The following DNAH7 variants were observed in gnomAD, a reference collection of about 807,000 sequenced individuals.
DNAH7 encodes the protein dynein axonemal heavy chain 7.
A neutral mutation model predicts 444.6 loss-of-function variants in DNAH7; 397 were observed. That is an observed-to-expected ratio of 0.89 (90% confidence interval 0.82 to 0.97). The LOEUF (loss-of-function observed/expected upper bound fraction) is 0.97. Ranked by LOEUF, DNAH7 falls within the 50% of genes least tolerant of loss-of-function variation. The pLI, the probability that DNAH7 is intolerant of heterozygous loss-of-function variation, is 0.00. For synonymous variants in DNAH7, 1,636 were observed against 1,624.4 expected (o/e 1.01, Z -0.17); for missense variants, 4,902 against 4,800.8 (o/e 1.02, Z -0.62).
intron 3 of DNAH7, among the ~76,000 whole-genome samples, chr2:196,050,759 T>C (rs1052507039): frequency 4.4e-4 from 67 of 152,180 alleles, no homozygotes; most frequent in African/African-American, 1.5e-3. Flanking sequence ...AAGAAATATT[T>C]TGTAGTACAG....
chr2:195,896,155 T>G (rs1353326785), intron 29 of DNAH7, among the ~76,000 whole-genome samples: 4 of 152,248 alleles, frequency 2.6e-5, no homozygotes, highest in Admixed American at 2.6e-4. Flanking sequence ...GTGGTTGTAC[T>G]AAGTCATGTT....
intron 12 of DNAH7, among the ~76,000 whole-genome samples, chr2:195,997,791 A>G (rs1693790770): frequency 6.6e-6 from 1 of 152,174 alleles, no homozygotes; most frequent in Non-Finnish European, 1.5e-5. Context: ...GATCATGTTC[A>G]ATTATCCTAT....
chr2:196,058,529 A>T (rs1697951651), intron 1 of DNAH7, among the ~76,000 whole-genome samples: 1 of 152,188 alleles, frequency 6.6e-6, no homozygotes, highest in Non-Finnish European at 1.5e-5. Context: ...ATATTCTAAA[A>T]ATCAATTGTA....
chr2:195,957,498 T>C, intron 18 of DNAH7, 51 bp from the exon 19 acceptor site: 1 of 1,413,436 alleles, frequency 7.1e-7, no homozygotes, highest in Non-Finnish European at 9.4e-7. Context: ...AAGCAAATGT[T>C]TCAAATGACA....
intron 40 of DNAH7, among the ~76,000 whole-genome samples, chr2:195,865,607 CAT>C (rs1700282277): frequency 6.6e-6 from 1 of 152,104 alleles, no homozygotes; most frequent in Non-Finnish European, 1.5e-5. Context: ...GTTATATGCA[CAT>C]GTTATGGGAC....
intron 63 of DNAH7, among the ~76,000 whole-genome samples, chr2:195,745,819 C>A (rs540464286): frequency 1.3e-5 from 2 of 152,258 alleles, no homozygotes; most frequent in South Asian, 4.1e-4. Flanking sequence ...TTGTCACCAC[C>A]AGGCCTGCCC....
intron 12 of DNAH7, chr2:195,994,712 C>CT (rs961952699): frequency 4.0e-5 from 20 of 494,768 alleles, no homozygotes; most frequent in African/African-American, 3.4e-4. Flanking sequence ...ACCATTTGGT[C>CT]TTTAAGACCA....
chr2:196,028,158 G>A (rs1038771235), intron 5 of DNAH7, 111 bp from the exon 6 acceptor site: 10 of 836,964 alleles, frequency 1.2e-5, no homozygotes, highest in African/African-American at 1.7e-5. Flanking sequence ...AAGGAAAAAT[G>A]AATTGTTGAA....
chr2:195,747,032 C>A (rs1042834055), intron 63 of DNAH7, among the ~76,000 whole-genome samples: 1 of 152,110 alleles, frequency 6.6e-6, no homozygotes, highest in Non-Finnish European at 1.5e-5. Context: ...CACAAAAAAA[C>A]CCTTCAAAAA....
At chr2:196,052,265 ACTCT>A (rs1408207986) in intron 2 of DNAH7, among the ~76,000 whole-genome samples, 2 of 152,032 alleles carry the variant, frequency 1.3e-5, no homozygotes, top group African/African-American at 4.8e-5. Flanking sequence ...TTCCTTGAGC[ACTCT>A]CTCTCAGACC....
At chr2:195,861,110 A>C (rs1263622993) in intron 42 of DNAH7, among the ~76,000 whole-genome samples, 1 of 152,190 alleles carries the variant, frequency 6.6e-6, no homozygotes, top group African/African-American at 2.4e-5. Flanking sequence ...TCCCCTTTAA[A>C]GGTAACCACT....
At chr2:195,832,067 T>C (rs1698102455) in intron 48 of DNAH7, among the ~76,000 whole-genome samples, 1 of 152,188 alleles carries the variant, frequency 6.6e-6, no homozygotes, top group South Asian at 2.1e-4. Context: ...TAAACAAAAA[T>C]TTCATGAAAT....
intron 36 of DNAH7, among the ~76,000 whole-genome samples, chr2:195,881,418 T>C (rs1194520160): frequency 6.6e-6 from 1 of 152,214 alleles, no homozygotes; most frequent in Non-Finnish European, 1.5e-5. Context: ...AAATCAGTCT[T>C]GTTACTACAT....
intron 45 of DNAH7, among the ~76,000 whole-genome samples, chr2:195,855,071 G>C (rs946708560): frequency 1.3e-5 from 2 of 152,202 alleles, no homozygotes; most frequent in African/African-American, 4.8e-5. Flanking sequence ...TGGACAAGTT[G>C]CTTGATCTTT....
chr2:195,911,298 C>G (rs897759827), intron 24 of DNAH7, among the ~76,000 whole-genome samples: 5 of 152,070 alleles, frequency 3.3e-5, no homozygotes, highest in Admixed American at 6.6e-5. Context: ...ATTTGAAACT[C>G]TAGCAATAAA....
intron 29 of DNAH7, among the ~76,000 whole-genome samples, chr2:195,896,169 C>T (rs2125245108): frequency 6.6e-6 from 1 of 152,318 alleles, no homozygotes; most frequent in East Asian, 1.9e-4. Flanking sequence ...TCATGTTCCT[C>T]TAGCCATGTA....
At chr2:196,026,122 CTG>C (rs1695672925) in intron 7 of DNAH7, among the ~76,000 whole-genome samples, 1 of 152,180 alleles carries the variant, frequency 6.6e-6, no homozygotes, top group African/African-American at 2.4e-5. Flanking sequence ...CACAAGGACT[CTG>C]TCACAACTGC....
intron 15 of DNAH7, among the ~76,000 whole-genome samples, chr2:195,978,827 GA>G (rs1180650175): frequency 6.6e-6 from 1 of 152,086 alleles, no homozygotes; most frequent in Non-Finnish European, 1.5e-5. Context: ...AAGAGACAAA[GA>G]AGGTCATTGT....
intron 54 of DNAH7, among the ~76,000 whole-genome samples, chr2:195,802,369 G>A (rs552405631): frequency 1.2e-4 from 18 of 152,304 alleles, no homozygotes; most frequent in African/African-American, 1.7e-4. Flanking sequence ...GTATGGTGGC[G>A]TGTGCCTATA....
Sources: gnomAD v4.1 joint callset for allele counts (sites outside exome capture counted in the v4.1 genomes callset) on GRCh38, gnomAD v4.1.1 for gene constraint, MANE v1.5 for transcripts, NCBI Gene and HGNC (gene_info 2026-07-23, HGNC 2026-07-21) for gene names.